Variants in CCDC3 observed in about 807,000 individuals in gnomAD.
CCDC3 encodes the protein coiled-coil domain containing 3.
In CCDC3, 24 loss-of-function variants were observed where a neutral mutation model predicts 21.4. The ratio of observed to expected loss-of-function variants is 1.12; its 90% CI spans 0.81 to 1.58. CCDC3 has a LOEUF of 1.58. Among genes scored for constraint, CCDC3 ranks in the 40% most tolerant of loss-of-function variants. The pLI, the probability that CCDC3 is intolerant of heterozygous loss-of-function variation, is 0.00. For synonymous variants in CCDC3, 186 were observed against 166.0 expected, an observed-to-expected ratio of 1.12 and a Z score of -0.93; for missense variants, 425 against 360.9, an observed-to-expected ratio of 1.18 and a Z score of -1.44.
intron 3 of CCDC3, among the ~76,000 whole-genome samples, chr10:13,092,471 C>T (rs180850615): frequency 1.2e-3 from 179 of 152,312 alleles, no homozygotes; most frequent in Admixed American, 3.9e-3. Flanking sequence ...CCATAATAGT[C>T]CATGAATATC....
At chr10:13,096,521 T>C (rs1832630863) in intron 3 of CCDC3, among the ~76,000 whole-genome samples, 1 of 152,108 alleles carries the variant, frequency 6.6e-6, no homozygotes, top group Non-Finnish European at 1.5e-5. Context: ...GAAACCTATT[T>C]TCGGGCACCA....
intron 5 of CCDC3, among the ~76,000 whole-genome samples, chr10:13,013,970 G>T (rs1836016777): frequency 6.6e-6 from 1 of 151,398 alleles, no homozygotes; most frequent in East Asian, 1.9e-4. Context: ...GGCCAACATG[G>T]CGAAACCCCA....
At chr10:12,958,093 C>G (rs1476919116) in intron 2 of CCDC3, among the ~76,000 whole-genome samples, 1 of 152,164 alleles carries the variant, frequency 6.6e-6, no homozygotes, top group Non-Finnish European at 1.5e-5. Flanking sequence ...TCCCAAAGTG[C>G]TGGGATTACA....
chr10:13,026,313 A>C (rs1836214813), intron 5 of CCDC3, among the ~76,000 whole-genome samples: 1 of 152,264 alleles, frequency 6.6e-6, no homozygotes, highest in South Asian at 2.1e-4. Context: ...ATACAATAGT[A>C]CTTTCCTCAT....
At chr10:12,911,255 T>C (rs916732930) in intron 2 of CCDC3, among the ~76,000 whole-genome samples, 7 of 152,202 alleles carry the variant, frequency 4.6e-5, no homozygotes, top group Admixed American at 2.0e-4. Context: ...TATTAATGGC[T>C]AATTTGTTCT....
At chr10:13,070,024 T>C (rs986990372) in intron 4 of CCDC3, among the ~76,000 whole-genome samples, 1 of 152,168 alleles carries the variant, frequency 6.6e-6, no homozygotes, top group Admixed American at 6.5e-5. Flanking sequence ...CATACAGGAC[T>C]CATGAAAAGA....
intron 3 of CCDC3, among the ~76,000 whole-genome samples, chr10:13,080,092 G>A (rs548690015): frequency 3.3e-5 from 5 of 152,196 alleles, no homozygotes; most frequent in African/African-American, 9.7e-5. Flanking sequence ...GGCATCTGCC[G>A]AGCCTCTGGG....
intron 4 of CCDC3, among the ~76,000 whole-genome samples, chr10:13,064,095 T>C (rs1836795121): frequency 6.6e-6 from 1 of 152,050 alleles, no homozygotes; most frequent in Non-Finnish European, 1.5e-5. Flanking sequence ...GCCCAGATAA[T>C]TTTTGTATTT....
At chr10:12,967,966 C>T (rs1375847391) in intron 2 of CCDC3, among the ~76,000 whole-genome samples, 1 of 152,032 alleles carries the variant, frequency 6.6e-6, no homozygotes, top group African/African-American at 2.4e-5. Flanking sequence ...GTCAGGAGTT[C>T]GAGACCAGCC....
At chr10:12,952,182 G>A (rs964624698) in intron 2 of CCDC3, among the ~76,000 whole-genome samples, 6 of 152,194 alleles carry the variant, frequency 3.9e-5, no homozygotes, top group African/African-American at 1.4e-4. Flanking sequence ...ATATTATCTA[G>A]CAGGCACCAG....
At chr10:12,900,700 A>C (rs1205098521) in intron 2 of CCDC3, among the ~76,000 whole-genome samples, 2 of 150,494 alleles carry the variant, frequency 1.3e-5, no homozygotes, top group Admixed American at 1.3e-4. Flanking sequence ...CAAAAAAAAA[A>C]AAAAAAAAAC....
intron 4 of CCDC3, among the ~76,000 whole-genome samples, chr10:13,056,574 G>A (rs1836683910): frequency 6.6e-6 from 1 of 152,180 alleles, no homozygotes; most frequent in African/African-American, 2.4e-5. Context: ...TTATAGGAGT[G>A]TTTAGCAGGA....
intron 2 of CCDC3, among the ~76,000 whole-genome samples, chr10:12,926,960 T>C (rs1005648812): frequency 6.6e-6 from 1 of 152,150 alleles, no homozygotes; most frequent in Non-Finnish European, 1.5e-5. Flanking sequence ...GAATAAAATA[T>C]AGTTATTACT....
At chr10:13,070,870 T>C (rs1248258564) in intron 4 of CCDC3, among the ~76,000 whole-genome samples, 1 of 152,210 alleles carries the variant, frequency 6.6e-6, no homozygotes, top group East Asian at 1.9e-4. Context: ...AGAAATAATG[T>C]TTCAAAACTT....
chr10:12,998,538 T>G (rs1331088450), intron 1 of CCDC3, 26 bp from the exon 2 acceptor site: 1 of 1,609,886 alleles, frequency 6.2e-7, no homozygotes. Context: ...AAGGCAGACA[T>G]GTAGGCTAGA....
At chr10:13,084,790 T>G (rs1837082796) in intron 3 of CCDC3, among the ~76,000 whole-genome samples, 1 of 151,628 alleles carries the variant, frequency 6.6e-6, no homozygotes, top group South Asian at 2.1e-4. Flanking sequence ...GGGGAGGAGG[T>G]GAGCAAAGCC....
chr10:13,096,206 CAG>C (rs1337785639), intron 3 of CCDC3, among the ~76,000 whole-genome samples: 1 of 97,888 alleles, frequency 1.0e-5, no homozygotes, highest in African/African-American at 3.6e-5. Flanking sequence ...TCTTTTTGGA[CAG>C]AGTCTCACTC....
intron 2 of CCDC3, among the ~76,000 whole-genome samples, chr10:12,949,302 G>A (rs1834974573): frequency 6.6e-6 from 1 of 152,212 alleles, no homozygotes; most frequent in African/African-American, 2.4e-5. Flanking sequence ...TGGGATATAA[G>A]CAGAAGTGGT....
intron 2 of CCDC3, among the ~76,000 whole-genome samples, chr10:12,900,253 A>G (rs907163637): frequency 2.0e-5 from 3 of 152,066 alleles, no homozygotes; most frequent in East Asian, 1.9e-4. Context: ...CATTTCCTTT[A>G]TATGTGTGTG....
Sources: allele counts gnomAD v4.1 joint callset (sites outside exome capture counted in the v4.1 genomes callset), GRCh38; gene constraint gnomAD v4.1.1; transcripts MANE v1.5; gene names NCBI Gene and HGNC (gene_info 2026-07-23, HGNC 2026-07-21).